The following DCTN5 variants were observed in gnomAD, a reference collection of about 807,000 sequenced individuals.
DCTN5 encodes dynactin 4.
In DCTN5, 14 loss-of-function variants were observed where a neutral mutation model predicts 23.5. The ratio of observed to expected loss-of-function variants is 0.60; its 90% CI spans 0.39 to 0.93. The LOEUF (loss-of-function observed/expected upper bound fraction) is 0.93, where lower values mean the gene tolerates loss of function less well. DCTN5 is among the 40% of genes least tolerant of loss of function. The pLI is 0.00. For synonymous variants in DCTN5, 67 were observed against 79.6 expected (o/e 0.84, Z 0.84); for missense variants, 156 against 225.9 (o/e 0.69, Z 1.98).
At position 23,674,245 on chromosome 16, in the gene DCTN5, G is replaced by T. The variant is rs560786071; in HGVS notation, c.*7101G>T. The T allele has an allele frequency of 6.6e-6, 1 of 152,168 alleles. No homozygotes were observed. The highest frequency in any genetic ancestry group is 1.5e-5 in the Non-Finnish European group (1 of 68,054). The allele number at this position is 152,168 out of a possible 1,614,324, so 9.4% of individuals were successfully genotyped here. A position where few individuals can be genotyped will look rare whatever the true frequency, so the allele number is the denominator to read the frequency against. ...CCGTTGGAGATTAAGGACCCCCTCC[G>T]TGGAGCGCTAAACTATGAAAACGTC... is the stretch of plus-strand genomic sequence containing the variant. On this transcript the variant is annotated 3_prime_UTR_variant, in exon 6 of 6. Transcript: ENST00000300087.
At chr16:23,663,159 T>C (rs184552617) in intron 4 of DCTN5, among the ~76,000 whole-genome samples, 2 of 152,340 alleles carry the variant, frequency 1.3e-5, no homozygotes, top group East Asian at 3.9e-4. Flanking sequence ...ATGTAGGTGT[T>C]CATCAGAATT....
chr16:23,643,730 A>G lies in DCTN5; in HGVS notation c.117+707A>G, dbSNP rs562371926. ...AATTAATAATTCACTATTAACTGAAACTCTTAAAACGAATGTGACAATTGG... is the reference window on the plus strand; with the variant it reads ...AATTAATAATTCACTATTAACTGAAGCTCTTAAAACGAATGTGACAATTGG... On this transcript the variant is annotated intron_variant, in intron 2 of 5. Transcript: ENST00000300087. 7.9e-5 allele frequency among the ~76,000 whole-genome samples: 12 copies of G among 152,082 alleles called. 1 individual carries two copies. Among genetic ancestry groups the G allele is most frequent in the Non-Finnish European group, 1.0e-4 (7 of 68,034 alleles).
chr16:23,663,941 A>G (rs1444407851), intron 4 of DCTN5, among the ~76,000 whole-genome samples: 1 of 152,148 alleles, frequency 6.6e-6, no homozygotes, highest in East Asian at 1.9e-4. Flanking sequence ...ACACAGTGAA[A>G]ATATCCCATC....
intron 5 of DCTN5, 90 bp downstream of exon 5, chr16:23,665,818 C>G: frequency 9.3e-7 from 1 of 1,076,582 alleles, no homozygotes; most frequent in South Asian, 1.5e-5. Flanking sequence ...ATTCCTATCT[C>G]TGGCAATATG....
intron 4 of DCTN5, among the ~76,000 whole-genome samples, chr16:23,663,599 C>G (rs1750908392): frequency 1.3e-5 from 2 of 151,694 alleles, no homozygotes; most frequent in African/African-American, 4.8e-5. Flanking sequence ...GCCTGTAATC[C>G]CAGCTACTTG....
intron 2 of DCTN5, among the ~76,000 whole-genome samples, chr16:23,655,767 C>T (rs1279220411): frequency 6.6e-6 from 1 of 151,990 alleles, no homozygotes; most frequent in Non-Finnish European, 1.5e-5. Flanking sequence ...CTGGTCTTGC[C>T]CTCCTGTGCT....
In DCTN5 at chr16:23,669,887, T is replaced by A. The variant is rs1477377525; in HGVS notation, c.*2743T>A. 1 of 152,204 alleles carries A rather than the reference T, an allele frequency of 6.6e-6. No individual in the cohort carries two copies. The highest frequency in any genetic ancestry group is 1.5e-5 in the Non-Finnish European group (1 of 68,074). 9.4% of individuals were successfully genotyped at this position (152,204 alleles called of 1,614,324 possible). ...CTTCTGTCTGGAACTGCTTCCTTTT[T>A]GTTTTATTATTTTTCCCCAGATGAG... is the stretch of plus-strand genomic sequence containing the variant. On this transcript the variant is annotated 3_prime_UTR_variant, in exon 6 of 6. Coordinates refer to ENST00000300087, the MANE Select transcript of DCTN5 (RefSeq NM_032486.4).
In DCTN5 at chr16:23,670,594, A is replaced by G. The variant is rs1229253854; in HGVS notation, c.*3450A>G. ...GCATCTGACAACCTGGATGGTGACT[A>G]TAGGTAGTCAAATCCAGCTGGCTGG... is the stretch of plus-strand genomic sequence containing the variant. On this transcript the variant is annotated 3_prime_UTR_variant, in exon 6 of 6. Transcript: ENST00000300087. 6.6e-6 allele frequency: 1 copy of G among 152,148 alleles called. No homozygotes were observed. The highest frequency in any genetic ancestry group is 2.4e-5 in the African/African-American group (1 of 41,418). 9.4% of individuals were successfully genotyped at this position (152,148 alleles called of 1,614,324 possible). A position where few individuals can be genotyped will look rare whatever the true frequency, so the allele number is the denominator to read the frequency against.
chr16:23,667,141 C>G lies in DCTN5; in HGVS notation c.546C>G (p.Val182=), dbSNP rs753122162. 1 of 1,612,376 alleles carries G rather than the reference C, an allele frequency of 6.2e-7. No individual in the cohort carries two copies. The highest frequency in any genetic ancestry group is 8.5e-7 in the Non-Finnish European group (1 of 1,180,020). The change falls in exon 6 of 6, where the codon GTC becomes GTG. Residue 182 remains valine (V), a synonymous_variant. Coordinates refer to ENST00000300087, the MANE Select transcript of DCTN5 (RefSeq NM_032486.4). ...YYQKFLPLTQ[V] ...AGAAGTTTTTGCCCCTGACGCAAGT[C>G]TAGCATCTCTGCCTCATGTCTTGAA...
intron 4 of DCTN5, among the ~76,000 whole-genome samples, chr16:23,665,387 T>C (rs145984898): frequency 7.5e-4 from 114 of 152,346 alleles, no homozygotes; most frequent in Non-Finnish European, 1.5e-3. Context: ...CAGTCTGTAA[T>C]GTCTGAGACA....
chr16:23,643,059 A>C, intron 2 of DCTN5, 36 bp downstream of exon 2: 1 of 1,577,624 alleles, frequency 6.3e-7, no homozygotes, highest in Non-Finnish European at 8.7e-7. Flanking sequence ...TGCAAACCTT[A>C]GCTTGCGTTC....
At position 23,671,425 on chromosome 16, in the gene DCTN5, C is replaced by T. The variant is rs1391972293; in HGVS notation, c.*4281C>T. The stretch of plus-strand genomic sequence containing the variant: ...TTTAAAACATCTTGCCCTTTATAAT[C>T]AGTCCGCCACAAACAAGAGATGGAG... On this transcript the variant is annotated 3_prime_UTR_variant, in exon 6 of 6. Transcript: ENST00000300087. The T allele has an allele frequency of 3.3e-5, 5 of 152,164 alleles. No homozygotes were observed. The East Asian group carries it at 9.6e-4, about 29-fold the overall frequency. 9.4% of individuals were successfully genotyped at this position (152,164 alleles called of 1,614,324 possible). A position where few individuals can be genotyped will look rare whatever the true frequency, so the allele number is the denominator to read the frequency against.
At chr16:23,658,757 G>T (rs1967758695) in intron 3 of DCTN5, 132 bp downstream of exon 3, 2 of 711,564 alleles carry the variant, frequency 2.8e-6, no homozygotes, top group Non-Finnish European at 5.0e-6. Flanking sequence ...TCACCATAAT[G>T]AACACAACTC....
Position 23,645,126 on chromosome 16 carries a change from TATATATA to T in DCTN5, c.117+2104_117+2110del, listed in dbSNP as rs1304854655. 8.6e-4 allele frequency among the ~76,000 whole-genome samples: 34 copies of T among 39,434 alleles called. 4 individuals are homozygous for T. The highest frequency in any genetic ancestry group is 2.2e-3 in the South Asian group (3 of 1,358). 25.9% of individuals were successfully genotyped at this position (39,434 alleles called of 152,430 possible). On this transcript the variant is annotated intron_variant, in intron 2 of 5. Transcript: ENST00000300087. ...ATATATATATATATATATATATATA[TATATATA>T]TATATTTTTTTTTTTTTTAATACGC...
At position 23,667,324 on chromosome 16, in the gene DCTN5, A is replaced by G; in HGVS notation, c.*180A>G. 2 of 691,122 alleles carry G rather than the reference A, an allele frequency of 2.9e-6. No homozygotes were observed. Among genetic ancestry groups the G allele is most frequent in the Non-Finnish European group, 4.8e-6 (2 of 420,680 alleles). The allele number at this position is 691,122 out of a possible 1,614,324, so 42.8% of individuals were successfully genotyped here. ...TCTAAGTGCTTAAGAATTCACTAAC[A>G]GACAGACCATCTGGAGGAGCTGTCT... On this transcript the variant is annotated 3_prime_UTR_variant, in exon 6 of 6. Coordinates refer to ENST00000300087, the MANE Select transcript of DCTN5 (RefSeq NM_032486.4).
intron 2 of DCTN5, among the ~76,000 whole-genome samples, chr16:23,655,110 A>G (rs182043737): frequency 1.3e-4 from 20 of 152,320 alleles, no homozygotes; most frequent in Admixed American, 4.6e-4. Context: ...TTCACGCAGC[A>G]TAATGTTTTT....
At chr16:23,663,681 A>G (rs2140986764) in intron 4 of DCTN5, among the ~76,000 whole-genome samples, 1 of 151,428 alleles carries the variant, frequency 6.6e-6, no homozygotes, top group East Asian at 1.9e-4. Context: ...GCGCCACTGC[A>G]CTCCAGCCTG....
In DCTN5 at chr16:23,648,411, G is replaced by A. The variant is rs145621930; in HGVS notation, c.117+5388G>A. Among the ~76,000 whole-genome samples, 80 of 145,958 alleles carry A rather than the reference G, an allele frequency of 5.5e-4. No individual in the cohort carries two copies. The East Asian group carries it at 0.015, about 27-fold the overall frequency. ...GTCGCCTGGGCTAAAGTGCAGTGGT[G>A]CGATATCAACTCACTGCAATCTCCA... On this transcript the variant is annotated intron_variant, in intron 2 of 5. Coordinates refer to ENST00000300087, the MANE Select transcript of DCTN5 (RefSeq NM_032486.4).
At chr16:23,663,373 C>T (rs548356611) in intron 4 of DCTN5, among the ~76,000 whole-genome samples, 3 of 152,296 alleles carry the variant, frequency 2.0e-5, no homozygotes, top group African/African-American at 7.2e-5. Context: ...ATTAGCAGCA[C>T]GGCTGCAGTT....
Sources: allele counts gnomAD v4.1 joint callset (sites outside exome capture counted in the v4.1 genomes callset), GRCh38; gene constraint gnomAD v4.1.1; transcripts MANE v1.5; gene names NCBI Gene and HGNC (gene_info 2026-07-23, HGNC 2026-07-21).